Variants in MKLN1 observed in about 807,000 individuals in gnomAD.
MKLN1 encodes muskelin.
A neutral mutation model predicts 99.0 loss-of-function variants in MKLN1; 18 were observed. That is an observed-to-expected ratio of 0.18 (90% CI 0.13 to 0.27). MKLN1 has a LOEUF of 0.27. Ranked by LOEUF, MKLN1 falls within the 10% of genes least tolerant of loss-of-function variation. The pLI, the probability that MKLN1 is intolerant of heterozygous loss-of-function variation, is 1.00. For missense variants in MKLN1, 621 were observed against 875.9 expected (o/e 0.71, Z 3.67); for synonymous variants, 288 against 293.2 (o/e 0.98, Z 0.18).
intron 6 of MKLN1, among the ~76,000 whole-genome samples, chr7:131,400,810 C>T (rs974937660): frequency 2.0e-5 from 3 of 152,008 alleles, no homozygotes; most frequent in African/African-American, 7.2e-5. Flanking sequence ...TCTACAGAGA[C>T]TTAACTTATC....
intron 3 of MKLN1, among the ~76,000 whole-genome samples, chr7:131,217,649 G>C (rs1156250304): frequency 2.0e-5 from 3 of 152,256 alleles, no homozygotes; most frequent in African/African-American, 7.2e-5. Context: ...AGTGAGCCGA[G>C]ATCGTGCCAT....
chr7:131,156,447 C>CAAAAA lies in MKLN1; in HGVS notation c.-297+13525_-297+13529dup, dbSNP rs143988738. 7.6e-3 allele frequency among the ~76,000 whole-genome samples: 557 copies of CAAAAA among 73,088 alleles called. 2 individuals are homozygous for CAAAAA. The highest frequency in any genetic ancestry group is 0.03 in the East Asian group (57 of 1,894). 47.9% of individuals were successfully genotyped at this position (73,088 alleles called of 152,430 possible). A position where few individuals can be genotyped will look rare whatever the true frequency, so the allele number is the denominator to read the frequency against. ...TGGGTGACAGAGCAAGACTCTGTCTCAAAAAAAAAAAAAAAAAAAAAAAGA... is the reference window on the plus strand; with the variant it reads ...TGGGTGACAGAGCAAGACTCTGTCTCAAAAAAAAAAAAAAAAAAAAAAAAAAAAGA... On this transcript the variant is annotated intron_variant, in intron 2 of 7. Transcript: ENST00000416992.
intron 16 of MKLN1, among the ~76,000 whole-genome samples, chr7:131,473,199 C>A (rs1796874941): frequency 6.6e-6 from 1 of 152,088 alleles, no homozygotes; most frequent in Non-Finnish European, 1.5e-5. Flanking sequence ...GTCAGTGAGA[C>A]ATGTAGATCT....
chr7:131,487,620 G>T lies in MKLN1; in HGVS notation c.2100G>T (p.Val700=). The T allele has an allele frequency of 6.2e-7, 1 of 1,612,062 alleles. No homozygotes were observed. The part of the protein sequence containing the change: ...SDFTALGFSD[V]DHTYAQRTQL... ...CTTCTTCACCAGGCTTTTCTGATGT[G>T]GATCACACCTATGCTCAAAGAACTC... Residue 700 remains valine (V), a synonymous_variant, in exon 18 of 18, where the codon GTG becomes GTT. Coordinates refer to ENST00000352689, the MANE Select transcript of MKLN1 (RefSeq NM_013255.5). The surrounding 1 kb of genome is among the most constrained non-coding windows in gnomAD (Gnocchi z 4.7).
intron 3 of MKLN1, among the ~76,000 whole-genome samples, 194 bp from the exon 4 acceptor site, chr7:131,388,690 C>T (rs1379027002): frequency 6.6e-6 from 1 of 152,054 alleles, no homozygotes; most frequent in East Asian, 1.9e-4. Context: ...TAAGAGAATC[C>T]AGTTATAATG....
intron 3 of MKLN1, among the ~76,000 whole-genome samples, chr7:131,249,838 G>C (rs1236566591): frequency 6.6e-6 from 1 of 152,148 alleles, no homozygotes; most frequent in African/African-American, 2.4e-5. Context: ...CTGCTGGAGA[G>C]GGGAGCATGG....
At chr7:131,353,189 T>G (rs921903198) in intron 1 of MKLN1, among the ~76,000 whole-genome samples, 2 of 152,170 alleles carry the variant, frequency 1.3e-5, no homozygotes, top group South Asian at 4.1e-4. Context: ...CTTCATACCC[T>G]TTTCTAAAAT....
intron 6 of MKLN1, among the ~76,000 whole-genome samples, chr7:131,403,866 GAAA>G (rs1253729387): frequency 1.3e-5 from 2 of 151,936 alleles, no homozygotes; most frequent in Non-Finnish European, 2.9e-5. Context: ...GAGAATTACT[GAAA>G]TGAGAGAGAG....
chr7:131,469,939 A>G (rs1360354334), intron 15 of MKLN1, among the ~76,000 whole-genome samples: 2 of 151,064 alleles, frequency 1.3e-5, no homozygotes, highest in Non-Finnish European at 2.9e-5. Context: ...GCAGTGGTAC[A>G]ATCATGGCTC....
Position 131,390,534 on chromosome 7 carries a change from C to T in MKLN1, c.400+1562C>T, listed in dbSNP as rs1439978159. Among the ~76,000 whole-genome samples, 6 of 151,954 alleles carry T rather than the reference C, an allele frequency of 3.9e-5. No individual in the cohort carries two copies. The South Asian group carries it at 8.3e-4, about 21-fold the overall frequency. ...TTGAATATGTGCACTTAAAAAATTTCCCCCCAGCTTTACTAAGGTATAATT... is the reference window on the plus strand; with the variant it reads ...TTGAATATGTGCACTTAAAAAATTTTCCCCCAGCTTTACTAAGGTATAATT... On this transcript the variant is annotated intron_variant, in intron 4 of 17. Transcript: ENST00000352689.
At chr7:131,347,633 G>A (rs969775798) in intron 1 of MKLN1, among the ~76,000 whole-genome samples, 2 of 152,130 alleles carry the variant, frequency 1.3e-5, no homozygotes, top group African/African-American at 4.8e-5. Context: ...GACAAAAAGA[G>A]TGAATTTAGA....
intron 1 of MKLN1, among the ~76,000 whole-genome samples, chr7:131,351,484 A>G (rs955000393): frequency 6.6e-6 from 1 of 151,844 alleles, no homozygotes; most frequent in Non-Finnish European, 1.5e-5. Flanking sequence ...TTTTTGAGAC[A>G]GGGTCTTGCT....
chr7:131,131,908 G>A (rs963204245), intron 1 of MKLN1, among the ~76,000 whole-genome samples: 1 of 152,184 alleles, frequency 6.6e-6, no homozygotes, highest in African/African-American at 2.4e-5. Context: ...AGTGCAGGTA[G>A]TATTAGCCCT....
chr7:131,146,838 T>C (rs1293842206), intron 2 of MKLN1, among the ~76,000 whole-genome samples: 2 of 152,226 alleles, frequency 1.3e-5, no homozygotes, highest in African/African-American at 4.8e-5. Context: ...GTACCAGGTA[T>C]GTCCAATGTG....
intron 2 of MKLN1, among the ~76,000 whole-genome samples, chr7:131,164,284 G>A (rs543427895): frequency 6.6e-6 from 1 of 152,040 alleles, no homozygotes; most frequent in African/African-American, 2.4e-5. Context: ...GCTAATTTTT[G>A]TATCTTTTTT....
chr7:131,194,302 C>A (rs1230845262), intron 2 of MKLN1, among the ~76,000 whole-genome samples: 1 of 152,134 alleles, frequency 6.6e-6, no homozygotes, highest in Non-Finnish European at 1.5e-5. Context: ...CCCCGGCAGC[C>A]CCTGGCAACC....
chr7:131,475,449 T>G (rs1796937404), intron 16 of MKLN1, among the ~76,000 whole-genome samples: 1 of 152,222 alleles, frequency 6.6e-6, no homozygotes, highest in African/African-American at 2.4e-5. Context: ...CAATTTTACA[T>G]AGACTCTCAG....
intron 2 of MKLN1, among the ~76,000 whole-genome samples, chr7:131,180,897 T>C (rs1249239296): frequency 6.6e-6 from 1 of 152,140 alleles, no homozygotes; most frequent in East Asian, 1.9e-4. Context: ...TATTAAAATA[T>C]ACAATACATA....
chr7:131,262,286 A>T (rs542668287), intron 3 of MKLN1, among the ~76,000 whole-genome samples: 1 of 151,958 alleles, frequency 6.6e-6, no homozygotes, highest in African/African-American at 2.4e-5. Context: ...AATACAAAAA[A>T]ATTAGCTGGT....
Sources: gnomAD v4.1 joint callset for allele counts (sites outside exome capture counted in the v4.1 genomes callset) on GRCh38, gnomAD v4.1.1 for gene constraint, Gnocchi (gnomAD v3.1) non-coding constraint, MANE v1.5 for transcripts, NCBI Gene and HGNC (gene_info 2026-07-23, HGNC 2026-07-21) for gene names.